Variants in FMNL2 observed in about 807,000 individuals in gnomAD.
FMNL2 encodes formin like 2.
Under a neutral mutation model 130.2 loss-of-function variants are expected in FMNL2, and 51 were observed. The observed-to-expected ratio is 0.39, with a 90% CI of 0.31 to 0.49. The LOEUF (loss-of-function observed/expected upper bound fraction) is 0.49. FMNL2 is among the 20% of genes least tolerant of loss of function. The pLI is 0.85. For missense variants in FMNL2, 977 were observed against 1,316.2 expected, an observed-to-expected ratio of 0.74 and a Z score of 3.99; for synonymous variants, 465 against 467.1, an observed-to-expected ratio of 1.00 and a Z score of 0.06.
intron 1 of FMNL2, among the ~76,000 whole-genome samples, chr2:152,338,832 C>CACACACACACACACACAT (rs1681629840): frequency 6.9e-6 from 1 of 145,246 alleles, no homozygotes; most frequent in African/African-American, 2.5e-5. Flanking sequence ...CACACACACA[C>CACACACACACACACACAT]ACACACACAC....
At chr2:152,335,863 C>A (rs1242811759) in intron 1 of FMNL2, 143 bp downstream of exon 1, 2 of 542,182 alleles carry the variant, frequency 3.7e-6, no homozygotes, top group East Asian at 7.8e-5. Context: ...CCTTTGTGGC[C>A]CCCCAGCACT....
chr2:152,635,117 T>G (rs1212947413), intron 21 of FMNL2, among the ~76,000 whole-genome samples: 1 of 152,186 alleles, frequency 6.6e-6, no homozygotes, highest in African/African-American at 2.4e-5. Flanking sequence ...TTTAAAAAGT[T>G]TTCTCTCAGC....
intron 15 of FMNL2, among the ~76,000 whole-genome samples, chr2:152,623,382 G>T (rs1354616958): frequency 6.6e-6 from 1 of 152,198 alleles, no homozygotes; most frequent in Non-Finnish European, 1.5e-5. Flanking sequence ...ACAAAATGCT[G>T]TACGGTGAGG....
intron 1 of FMNL2, among the ~76,000 whole-genome samples, chr2:152,410,681 G>A (rs1211457189): frequency 6.6e-6 from 1 of 152,178 alleles, no homozygotes; most frequent in African/African-American, 2.4e-5. Context: ...ACCCCACCAA[G>A]GTCTGTCTGT....
intron 2 of FMNL2, among the ~76,000 whole-genome samples, chr2:152,533,412 A>G (rs1032086673): frequency 6.6e-6 from 1 of 152,070 alleles, no homozygotes; most frequent in African/African-American, 2.4e-5. Flanking sequence ...TATCTTTGAA[A>G]ACCAATTGGC....
intron 6 of FMNL2, among the ~76,000 whole-genome samples, chr2:152,569,891 A>G (rs1181548539): frequency 6.7e-6 from 1 of 150,292 alleles, no homozygotes; most frequent in Admixed American, 6.6e-5. Context: ...CATGCCTGTA[A>G]TCTCAGCTAC....
intron 10 of FMNL2, 63 bp downstream of exon 10, chr2:152,607,476 C>CAG (rs1698435469): frequency 1.9e-6 from 1 of 519,152 alleles, no homozygotes; most frequent in South Asian, 2.4e-5. Context: ...TAAATACACA[C>CAG]ACACACACAC....
intron 1 of FMNL2, among the ~76,000 whole-genome samples, chr2:152,448,089 CAT>C (rs1360464249): frequency 6.6e-6 from 1 of 151,988 alleles, no homozygotes; most frequent in Admixed American, 6.6e-5. Flanking sequence ...TGAGTTTCCA[CAT>C]GTTTTCTCCT....
At chr2:152,394,608 T>TG (rs1365216069) in intron 1 of FMNL2, among the ~76,000 whole-genome samples, 2 of 149,764 alleles carry the variant, frequency 1.3e-5, no homozygotes, top group Non-Finnish European at 3.0e-5. Context: ...AGTTGTTCTC[T>TG]GAAAAAAAAA....
intron 1 of FMNL2, among the ~76,000 whole-genome samples, chr2:152,490,569 ATGTGTGTGTGTGTGTG>A (rs58838989): frequency 2.9e-4 from 31 of 108,566 alleles, no homozygotes; most frequent in African/African-American, 6.9e-4. Flanking sequence ...TTGCTATCCA[ATGTGTGTGTGTGTGTG>A]TGTGTGTGTG....
chr2:152,420,078 G>C (rs1053588966), intron 1 of FMNL2, among the ~76,000 whole-genome samples: 3 of 152,130 alleles, frequency 2.0e-5, no homozygotes, highest in Non-Finnish European at 2.9e-5. Context: ...TAAAAGCCGA[G>C]TTTTACCAAA....
chr2:152,635,449 TAAC>T (rs1362790846), intron 21 of FMNL2, among the ~76,000 whole-genome samples: 2 of 152,250 alleles, frequency 1.3e-5, no homozygotes, highest in Admixed American at 1.3e-4. Context: ...GCTTTTTGTC[TAAC>T]GTCATTTCCG....
chr2:152,492,236 TTATG>T (rs1276078387), intron 1 of FMNL2, among the ~76,000 whole-genome samples: 1 of 151,992 alleles, frequency 6.6e-6, no homozygotes, highest in African/African-American at 2.4e-5. Flanking sequence ...TTACCTTGCT[TTATG>T]TAATTTCTTG....
intron 12 of FMNL2, among the ~76,000 whole-genome samples, chr2:152,615,715 C>T (rs905918384): frequency 3.9e-5 from 6 of 152,072 alleles, no homozygotes; most frequent in Non-Finnish European, 8.8e-5. Context: ...TCTCAAAAAC[C>T]CAAGCATTAT....
At chr2:152,611,732 G>C (rs936468105) in intron 11 of FMNL2, 127 bp downstream of exon 11, 7 of 608,026 alleles carry the variant, frequency 1.2e-5, no homozygotes, top group Non-Finnish European at 2.0e-5. Context: ...TGTAGTGCTA[G>C]TTAAAGGGAA....
chr2:152,347,302 T>C lies in FMNL2; in HGVS notation c.117+11582T>C, dbSNP rs544106476. 2.0e-5 allele frequency among the ~76,000 whole-genome samples: 3 copies of C among 152,310 alleles called. 1 individual carries two copies. In the South Asian group the frequency reaches 6.2e-4, roughly 32 times the overall value. On this transcript the variant is annotated intron_variant, in intron 1 of 25. Transcript: ENST00000288670. ...GGCCACAGGATTGTGCCTTGTGGTC[T>C]GACTCCAAGTGACTCTAACCATGAG...
intron 1 of FMNL2, among the ~76,000 whole-genome samples, chr2:152,401,806 C>T (rs553385092): frequency 8.6e-5 from 13 of 150,410 alleles, no homozygotes; most frequent in African/African-American, 2.5e-4. Context: ...TGGCCTAATA[C>T]GCTATTCATA....
chr2:152,421,783 A>G (rs1686936672), intron 1 of FMNL2, among the ~76,000 whole-genome samples: 1 of 152,194 alleles, frequency 6.6e-6, no homozygotes, highest in Non-Finnish European at 1.5e-5. Context: ...TGTTATAGAA[A>G]TTGCGTAAGT....
At chr2:152,568,218 G>GTTTTTTTTTT (rs1177965681) in intron 6 of FMNL2, among the ~76,000 whole-genome samples, 578 of 34,780 alleles carry the variant, frequency 0.017, 26 homozygotes, top group African/African-American at 0.046. Context: ...ATTTTGGTGG[G>GTTTTTTTTTT]TTTTTTTTTT....
Sources: gnomAD v4.1 joint callset for allele counts (sites outside exome capture counted in the v4.1 genomes callset) on GRCh38, gnomAD v4.1.1 for gene constraint, MANE v1.5 for transcripts, NCBI Gene and HGNC (gene_info 2026-07-23, HGNC 2026-07-21) for gene names.